MPHOSPH8: variants seen among roughly 807,000 people sequenced by gnomAD.
MPHOSPH8 encodes the protein M-phase phosphoprotein, mpp.
A neutral mutation model predicts 87.3 loss-of-function variants in MPHOSPH8; 45 were observed. The ratio of observed to expected loss-of-function variants is 0.52; its 90% CI spans 0.41 to 0.66. MPHOSPH8 has a LOEUF of 0.66. MPHOSPH8 is among the 30% of genes least tolerant of loss of function. The pLI is 0.00. For missense variants in MPHOSPH8, 883 were observed against 1,020.2 expected (o/e 0.87, Z 1.83); for synonymous variants, 366 against 376.9 (o/e 0.97, Z 0.33).
rs762148452 is a variant in MPHOSPH8, at chr13:19,659,157, A to G, written c.1702+37A>G. The G allele has an allele frequency of 2.5e-6, 4 of 1,610,164 alleles. No homozygotes were observed. In the Admixed American group the frequency reaches 5.1e-5, roughly 20 times the overall value. On this transcript the variant is annotated intron_variant, in intron 6 of 13. Transcript: ENST00000361479. ...TGGAAATATTGAAATCCCTTTCACA[A>G]ATCTAGATTTATAAAATCTAACTTA...
At chr13:19,665,646 C>T (rs768017713) in intron 9 of MPHOSPH8, among the ~76,000 whole-genome samples, 26 of 152,220 alleles carry the variant, frequency 1.7e-4, no homozygotes, top group Non-Finnish European at 2.9e-4. Flanking sequence ...AGTGTGGCGG[C>T]TCCTCCTAGG....
Position 19,633,853 on chromosome 13 carries a change from C to T in MPHOSPH8, c.105C>T (p.Gly35=), listed in dbSNP as rs908383753. Residue 35 remains glycine (G), a synonymous_variant, in exon 1 of 14, where the codon GGC becomes GGT. Transcript: ENST00000361479. ...TCGAAGAAGGAGTTGGAGTAGTGGGCGAAGATAATGACGCAGCCGCGAGAG... is the reference window on the plus strand; with the variant it reads ...TCGAAGAAGGAGTTGGAGTAGTGGGTGAAGATAATGACGCAGCCGCGAGAG... ...AEVEEGVGVV[G]EDNDAAARGA... is the part of the protein sequence containing the mutation. The T allele has an allele frequency of 3.1e-6, 5 of 1,610,914 alleles. No individual in the cohort carries two copies. The highest frequency in any genetic ancestry group is 4.2e-6 in the Non-Finnish European group (5 of 1,178,994).
chr13:19,671,761 T>G, intron 13 of MPHOSPH8, 73 bp from the exon 14 acceptor site: 4 of 1,405,170 alleles, frequency 2.8e-6, no homozygotes, highest in Non-Finnish European at 3.0e-6. Context: ...ATCTTGGCCA[T>G]TTGTGGGTTT....
At chr13:19,648,120 GT>G (rs1292761208) in intron 3 of MPHOSPH8, among the ~76,000 whole-genome samples, 2 of 151,678 alleles carry the variant, frequency 1.3e-5, no homozygotes, top group Non-Finnish European at 2.9e-5. Flanking sequence ...GTCATGGTTG[GT>G]TAAGACTATG....
At chr13:19,636,607 G>T (rs757780271) in intron 1 of MPHOSPH8, among the ~76,000 whole-genome samples, 6 of 151,834 alleles carry the variant, frequency 4.0e-5, no homozygotes, top group Non-Finnish European at 5.9e-5. Context: ...GCCTCTCGGA[G>T]TAGATGGGAC....
chr13:19,671,917 C>G lies in MPHOSPH8; in HGVS notation c.*42C>G. On this transcript the variant is annotated 3_prime_UTR_variant, in exon 14 of 14. Transcript: ENST00000361479. Reference sequence around the variant, plus strand: ...GGGCGGAGTTCTCTTCAGACCGATTCCTATACTCTCTTTGACAGCAGTTTG... The same window carrying G: ...GGGCGGAGTTCTCTTCAGACCGATTGCTATACTCTCTTTGACAGCAGTTTG... The G allele has an allele frequency of 6.3e-7, 1 of 1,594,268 alleles. No homozygotes were observed.
intron 11 of MPHOSPH8, among the ~76,000 whole-genome samples, chr13:19,669,572 G>C (rs200917597): frequency 1.3e-5 from 2 of 149,416 alleles, no homozygotes; most frequent in African/African-American, 4.9e-5. Context: ...GCAGTGGTGC[G>C]ATCTCGGCTC....
intron 10 of MPHOSPH8, 51 bp downstream of exon 10, chr13:19,666,630 T>TTACA: frequency 3.4e-6 from 5 of 1,480,680 alleles, no homozygotes; most frequent in Non-Finnish European, 3.7e-6. Flanking sequence ...ATACATCTGT[T>TTACA]TATGTAGACA....
chr13:19,666,593 G>A lies in MPHOSPH8; in HGVS notation c.2174+14G>A, dbSNP rs764372376. ...CCATTTAGAGACGTAAGTGAGAAGC[G>A]ACTGTGCCATAGTTAAGTCACATAT... On this transcript the variant is annotated intron_variant, in intron 10 of 13. Coordinates refer to ENST00000361479, the MANE Select transcript of MPHOSPH8 (RefSeq NM_017520.4). The A allele has an allele frequency of 8.3e-6, 13 of 1,569,278 alleles. No individual in the cohort carries two copies. Among genetic ancestry groups the A allele is most frequent in the East Asian group, 6.8e-5 (3 of 44,002 alleles).
In MPHOSPH8 at chr13:19,673,198, G is replaced by A; in HGVS notation, c.*1323G>A. 2.3e-6 allele frequency: 1 copy of A among 440,134 alleles called. No homozygotes were observed. The highest frequency in any genetic ancestry group is 3.4e-4 in the Middle Eastern group (1 of 2,958). The allele number at this position is 440,134 out of a possible 1,614,324, so 27.3% of individuals were successfully genotyped here. A position where few individuals can be genotyped will look rare whatever the true frequency, so the allele number is the denominator to read the frequency against. Reference sequence around the variant, plus strand: ...GCCAAACCTGGCTGTCAGCTGTGTGGGAGCCACCACCCTCTCTGGGAAGAG... The same window carrying A: ...GCCAAACCTGGCTGTCAGCTGTGTGAGAGCCACCACCCTCTCTGGGAAGAG... On this transcript the variant is annotated 3_prime_UTR_variant, in exon 14 of 14. Coordinates refer to ENST00000361479, the MANE Select transcript of MPHOSPH8 (RefSeq NM_017520.4).
chr13:19,669,531 AG>A (rs1423223943), intron 11 of MPHOSPH8, among the ~76,000 whole-genome samples: 8 of 102,476 alleles, frequency 7.8e-5, no homozygotes, highest in Admixed American at 7.2e-4. Flanking sequence ...TTTTTTTTTC[AG>A]GAGTCTCACA....
intron 3 of MPHOSPH8, 69 bp downstream of exon 3, chr13:19,647,360 G>C (rs1006384221): frequency 9.5e-6 from 13 of 1,362,606 alleles, no homozygotes; most frequent in Non-Finnish European, 1.3e-5. Flanking sequence ...CAAGGAAAGG[G>C]AAACAGTCAA....
At chr13:19,639,249 ACTC>A (rs1466699881) in intron 1 of MPHOSPH8, among the ~76,000 whole-genome samples, 5 of 148,646 alleles carry the variant, frequency 3.4e-5, no homozygotes, top group African/African-American at 1.2e-4. Context: ...GTTGCTTGCG[ACTC>A]CTCCTGAGCA....
intron 4 of MPHOSPH8, 36 bp from the exon 5 acceptor site, chr13:19,649,967 C>T (rs1416711363): frequency 1.4e-6 from 2 of 1,478,446 alleles, no homozygotes; most frequent in East Asian, 2.3e-5. Flanking sequence ...AAATTTGTGA[C>T]TCATACTTAA....
chr13:19,646,506 A>G lies in MPHOSPH8; in HGVS notation c.433A>G (p.Lys145Glu), dbSNP rs144940100. 11 of 1,570,034 alleles carry G rather than the reference A, an allele frequency of 7.0e-6. No homozygotes were observed. Among genetic ancestry groups the G allele is most frequent in the Non-Finnish European group, 8.6e-6 (10 of 1,168,942 alleles). ...TGATAGCGATCAGCAAAGTGAGACAAAAGAAGATACTTCCCCAAAGAAGAA... is the reference window on the plus strand; with the variant it reads ...TGATAGCGATCAGCAAAGTGAGACAGAAGAAGATACTTCCCCAAAGAAGAA... ...NSDSDQQSETKEDTSPKKKKK... is the reference protein window; with the variant it reads ...NSDSDQQSETEEDTSPKKKKK... Residue 145 changes from lysine to glutamate, a missense_variant, in exon 3 of 14, where the codon AAA (lysine) becomes GAA (glutamate). Lys to Glu is a moderately conservative substitution (Grantham distance 56). This residue lies in a region of MPHOSPH8 where 741 missense variants were observed against 841.5 expected (regional missense o/e 0.88). Transcript: ENST00000361479.
In MPHOSPH8 at chr13:19,646,627, A is replaced by G. The variant is rs1375714556; in HGVS notation, c.554A>G (p.Asp185Gly). The part of the protein sequence containing the change: ...AGKLKDKSKP[D>G]LESSLESLVF... ...AAGCTAAAAGACAAGTCCAAACCAG[A>G]CCTGGAGAGCTCCTTGGAAAGTTTA... is the stretch of plus-strand genomic sequence containing the variant. The change falls in exon 3 of 14, where the codon GAC becomes GGC. Residue 185 changes from aspartate (D) to glycine (G), a missense_variant. Physicochemically the swap from Asp to Gly is moderately conservative, Grantham distance 94. This residue lies in a region of MPHOSPH8 where 741 missense variants were observed against 841.5 expected (regional missense o/e 0.88). Transcript: ENST00000361479. 2 of 1,587,206 alleles carry G rather than the reference A, an allele frequency of 1.3e-6. No individual in the cohort carries two copies. Among genetic ancestry groups the G allele is most frequent in the Admixed American group, 2.0e-5 (1 of 51,118 alleles).
intron 2 of MPHOSPH8, among the ~76,000 whole-genome samples, chr13:19,645,064 G>T (rs1874495799): frequency 6.6e-6 from 1 of 152,068 alleles, no homozygotes; most frequent in Admixed American, 6.5e-5. Context: ...GTGGGGCTTG[G>T]TCCTGGAAGT....
Position 19,663,126 on chromosome 13 carries a change from G to C in MPHOSPH8, c.2019G>C (p.Lys673Asn). The change falls in exon 9 of 14, where the codon AAG (lysine) becomes AAC (asparagine). Residue 673 changes from lysine to asparagine, a missense_variant and splice_region_variant. Around this residue, in one of 3 missense-constraint regions of MPHOSPH8, gnomAD observed 741 missense variants for 841.5 expected, o/e 0.88. Transcript: ENST00000361479. ...QQSNGETALM[K>N]ACKRGNSDIV... Reference sequence around the variant, plus strand: ...GCAATGGTGAGACTGCACTGATGAAGGTAAATCCCTCCTGCAGGTCATCCC... The same window carrying C: ...GCAATGGTGAGACTGCACTGATGAACGTAAATCCCTCCTGCAGGTCATCCC... 1 of 1,611,834 alleles carries C rather than the reference G, an allele frequency of 6.2e-7. No homozygotes were observed. The highest frequency in any genetic ancestry group is 8.5e-7 in the Non-Finnish European group (1 of 1,178,048).
In MPHOSPH8 at chr13:19,659,285, A is replaced by G. The variant is rs1475593414; in HGVS notation, c.1787A>G (p.Gln596Arg). 6.3e-7 allele frequency: 1 copy of G among 1,598,490 alleles called. No homozygotes were observed. Among genetic ancestry groups the G allele is most frequent in the Non-Finnish European group, 8.5e-7 (1 of 1,170,494 alleles). ...TCAAATGAAGAATATAACCTGGACCAAGAGGTAATATGTCGTTGAAAAATC... is the reference window on the plus strand; with the variant it reads ...TCAAATGAAGAATATAACCTGGACCGAGAGGTAATATGTCGTTGAAAAATC... The part of the protein sequence containing the change: ...LNSNEEYNLD[Q>R]EDSSGMTLVM... The change falls in exon 7 of 14, where the codon CAA (glutamine) becomes CGA (arginine). Residue 596 changes from glutamine (Q) to arginine (R), a missense_variant. Gln to Arg is a conservative substitution (Grantham distance 43, BLOSUM62 1). Coordinates refer to ENST00000361479, the MANE Select transcript of MPHOSPH8 (RefSeq NM_017520.4).
Sources: allele counts gnomAD v4.1 joint callset (sites outside exome capture counted in the v4.1 genomes callset), GRCh38; gene constraint gnomAD v4.1.1; regional missense constraint gnomAD v4.1.1; transcripts MANE v1.5; gene names NCBI Gene and HGNC (gene_info 2026-07-23, HGNC 2026-07-21).